The following WLS variants were observed in gnomAD, a reference collection of about 807,000 sequenced individuals.
WLS encodes protein wntless homolog.
WLS carries 23 observed loss-of-function variants against 62.8 expected under a neutral mutation model. The observed-to-expected ratio is 0.37, with a 90% CI of 0.26 to 0.52. WLS has a LOEUF of 0.52. WLS is among the 20% of genes least tolerant of loss of function. WLS has a pLI of 0.92. For synonymous variants in WLS, 246 were observed against 244.1 expected (o/e 1.01, Z -0.07); for missense variants, 615 against 697.3 (o/e 0.88, Z 1.33).
At chr1:68,179,344 A>G (rs1570959891) in intron 2 of WLS, among the ~76,000 whole-genome samples, 1 of 152,244 alleles carries the variant, frequency 6.6e-6, no homozygotes, top group Non-Finnish European at 1.5e-5. Context: ...CCCACTCAGA[A>G]CAGGAAGCAC....
At chr1:68,200,988 C>CTT (rs1648981797) in intron 1 of WLS, among the ~76,000 whole-genome samples, 1 of 152,136 alleles carries the variant, frequency 6.6e-6, no homozygotes, top group Non-Finnish European at 1.5e-5. Flanking sequence ...TATGTAACTA[C>CTT]TTTTTCAAAT....
At chr1:68,108,265 A>C (rs999720599) in intron 11 of WLS, among the ~76,000 whole-genome samples, 5 of 152,140 alleles carry the variant, frequency 3.3e-5, no homozygotes, top group African/African-American at 9.7e-5. Context: ...ATCCCAGCTT[A>C]TTGGAAAAGG....
intron 1 of WLS, among the ~76,000 whole-genome samples, chr1:68,220,567 A>T (rs574894529): frequency 1.3e-5 from 2 of 152,242 alleles, no homozygotes; most frequent in Non-Finnish European, 2.9e-5. Flanking sequence ...ACTGCCATTT[A>T]TCAACCATAA....
intron 6 of WLS, among the ~76,000 whole-genome samples, chr1:68,149,106 G>A (rs898781922): frequency 3.3e-5 from 5 of 152,126 alleles, no homozygotes; most frequent in African/African-American, 9.7e-5. Context: ...GAGGAAAATA[G>A]GCATATTTTC....
intron 2 of WLS, among the ~76,000 whole-genome samples, chr1:68,183,989 G>A (rs1274707317): frequency 6.6e-6 from 1 of 152,058 alleles, no homozygotes; most frequent in Non-Finnish European, 1.5e-5. Context: ...AAGGATCAAG[G>A]CGAAACATAA....
chr1:68,145,964 A>G lies in WLS; in HGVS notation c.1183T>C (p.Phe395Leu). 6.2e-7 allele frequency: 1 copy of G among 1,614,174 alleles called. No homozygotes were observed. The highest frequency in any genetic ancestry group is 1.1e-5 in the South Asian group (1 of 91,080). ...AGICLCLYFL[F>L]LCFMVFQVFR... ...ACCTGAAATACCATGAAGCATAGAA[A>G]CAGGAAGTAGAGGCAGAGGCAGATT... Residue 395 changes from phenylalanine to leucine, a missense_variant, in exon 9 of 12, where the codon TTT (phenylalanine) becomes CTT (leucine). Coordinates refer to ENST00000262348, the MANE Select transcript of WLS (RefSeq NM_024911.7).
chr1:68,192,198 T>C (rs1428360912), intron 2 of WLS, among the ~76,000 whole-genome samples: 1 of 152,212 alleles, frequency 6.6e-6, no homozygotes, highest in African/African-American at 2.4e-5. Flanking sequence ...TAGAAAATTA[T>C]CTCAGCACAA....
chr1:68,162,696 T>C, intron 2 of WLS: 1 of 1,216,638 alleles, frequency 8.2e-7, no homozygotes, highest in Non-Finnish European at 1.2e-6. Context: ...CCGGTGTCTC[T>C]TCCACGGCTG....
chr1:68,152,977 G>T (rs1042966860), intron 5 of WLS, among the ~76,000 whole-genome samples: 1 of 152,114 alleles, frequency 6.6e-6, no homozygotes, highest in Non-Finnish European at 1.5e-5. Context: ...GCAAAGACAG[G>T]TTAAAGAACC....
chr1:68,129,544 G>T (rs2100391935), intron 11 of WLS, among the ~76,000 whole-genome samples: 1 of 152,234 alleles, frequency 6.6e-6, no homozygotes, highest in Admixed American at 6.5e-5. Context: ...TTTCTCTACT[G>T]TGCTGGATGA....
intron 11 of WLS, among the ~76,000 whole-genome samples, chr1:68,116,704 A>G (rs1011642333): frequency 3.3e-5 from 5 of 152,148 alleles, no homozygotes; most frequent in Non-Finnish European, 5.9e-5. Flanking sequence ...GTCTTTGTCT[A>G]TGTTGGTTAT....
At chr1:68,107,572 T>C (rs976821345) in intron 11 of WLS, among the ~76,000 whole-genome samples, 5 of 152,160 alleles carry the variant, frequency 3.3e-5, no homozygotes, top group African/African-American at 1.2e-4. Context: ...CACAGGAGAT[T>C]AACTGAAGAA....
intron 1 of WLS, among the ~76,000 whole-genome samples, chr1:68,222,356 G>GCATAT (rs1171478613): frequency 6.6e-6 from 1 of 152,200 alleles, no homozygotes; most frequent in East Asian, 1.9e-4. Context: ...ACATAGCATA[G>GCATAT]CATAACATTC....
intron 11 of WLS, among the ~76,000 whole-genome samples, chr1:68,106,103 G>C (rs1646139397): frequency 6.6e-6 from 1 of 152,018 alleles, no homozygotes; most frequent in Admixed American, 6.6e-5. Flanking sequence ...TTAGGACTAG[G>C]AAGAATCACA....
At chr1:68,147,260 T>C (rs184209839) in intron 8 of WLS, among the ~76,000 whole-genome samples, 1 of 152,194 alleles carries the variant, frequency 6.6e-6, no homozygotes, top group African/African-American at 2.4e-5. Context: ...GATTTAACAT[T>C]AGAAACATTC....
intron 1 of WLS, among the ~76,000 whole-genome samples, chr1:68,208,329 C>A (rs1358869633): frequency 4.6e-5 from 7 of 152,084 alleles, no homozygotes; most frequent in Admixed American, 4.6e-4. Context: ...CTGGTTTTGC[C>A]TCTTCTGTCA....
intron 10 of WLS, among the ~76,000 whole-genome samples, chr1:68,143,802 C>T (rs1646718192): frequency 1.3e-5 from 2 of 152,188 alleles, no homozygotes. Flanking sequence ...CAGCAACCTT[C>T]TGTGGTTCTA....
intron 2 of WLS, among the ~76,000 whole-genome samples, chr1:68,177,937 G>T (rs1647331204): frequency 6.6e-6 from 1 of 152,168 alleles, no homozygotes. Flanking sequence ...GGAAAATGAA[G>T]TACAAGGAAG....
chr1:68,186,726 A>G, intron 2 of WLS: 1 of 454,188 alleles, frequency 2.2e-6, no homozygotes, highest in Admixed American at 2.4e-5. Flanking sequence ...TACCAAAATC[A>G]GAGAGAAATC....
Sources: allele counts gnomAD v4.1 joint callset (sites outside exome capture counted in the v4.1 genomes callset), GRCh38; gene constraint gnomAD v4.1.1; transcripts MANE v1.5; gene names NCBI Gene and HGNC (gene_info 2026-07-23, HGNC 2026-07-21).